Variants in PIEZO2 observed in about 807,000 individuals in gnomAD.
PIEZO2 encodes piezo-type mechanosensitive ion channel component 2.
Under a neutral mutation model 337.3 loss-of-function variants are expected in PIEZO2, and 172 were observed. The ratio of observed to expected loss-of-function variants is 0.51; its 90% CI spans 0.45 to 0.58. The LOEUF (loss-of-function observed/expected upper bound fraction) is 0.58. PIEZO2 is among the 20% of genes least tolerant of loss of function. The pLI, the probability that PIEZO2 is intolerant of heterozygous loss-of-function variation, is 0.00. For synonymous variants in PIEZO2, 1,251 were observed against 1,228.5 expected (o/e 1.02, Z -0.38); for missense variants, 3,028 against 3,391.3 (o/e 0.89, Z 2.66).
Position 10,807,121 on chromosome 18 carries a change from T to C in PIEZO2, c.1071A>G (p.Gln357=), listed in dbSNP as rs1326764957. 1.3e-6 allele frequency: 2 copies of C among 1,535,460 alleles called. No individual in the cohort carries two copies. The highest frequency in any genetic ancestry group is 2.0e-5 in the Admixed American group (1 of 50,430). The change falls in exon 8 of 56, where the codon CAA becomes CAG. Residue 357 remains glutamine, a synonymous_variant. Coordinates refer to ENST00000674853, the MANE Select transcript of PIEZO2 (RefSeq NM_001378183.1). ...ATGTTTTTGTCCTTACAAGGGGCTC[T>C]TGCAGCCAGATGCGGATCAGAGTGG... ...TLATLIRIWL[Q]EPLVQDEGTK...
At chr18:10,763,381 A>G in intron 21 of PIEZO2, 1 of 352,726 alleles carries the variant, frequency 2.8e-6, no homozygotes, top group Non-Finnish European at 5.1e-6. Context: ...CTCCTGTGAG[A>G]GCGCCCAGAA....
In PIEZO2 at chr18:10,949,553, G is replaced by A. The variant is rs1231521605; in HGVS notation, c.286+29982C>T. 2.6e-5 allele frequency among the ~76,000 whole-genome samples: 4 copies of A among 152,270 alleles called. No homozygotes were observed. In the East Asian group the frequency reaches 7.7e-4, roughly 29 times the overall value. On this transcript the variant is annotated intron_variant, in intron 3 of 55. Transcript: ENST00000674853. ...TAAAAGTCAGCCATTCTGGCTCCCG[G>A]GTCCCATGCAGCAGCCCTGCACCAC...
chr18:10,733,681 C>G (rs1338816439), intron 35 of PIEZO2, among the ~76,000 whole-genome samples: 1 of 152,130 alleles, frequency 6.6e-6, no homozygotes, highest in Non-Finnish European at 1.5e-5. Flanking sequence ...ATCTCCTGAC[C>G]TCGTGATCTG....
At position 11,116,221 on chromosome 18, in the gene PIEZO2, A is replaced by C. The variant is rs984287592; in HGVS notation, c.64+32304T>G. On this transcript the variant is annotated intron_variant, in intron 1 of 55. Coordinates refer to ENST00000674853, the MANE Select transcript of PIEZO2 (RefSeq NM_001378183.1). The surrounding 1 kb of genome is among the most constrained non-coding windows in gnomAD (Gnocchi z 5.0). The stretch of plus-strand genomic sequence containing the variant: ...TCAGATTATGCCCACTGCCTTCAAT[A>C]TCCAGCTTTACAAATCCTATCTGGT... 6.6e-6 allele frequency among the ~76,000 whole-genome samples: 1 copy of C among 152,154 alleles called. No homozygotes were observed. Among genetic ancestry groups the C allele is most frequent in the Non-Finnish European group, 1.5e-5 (1 of 68,024 alleles).
intron 1 of PIEZO2, among the ~76,000 whole-genome samples, chr18:11,123,788 C>T (rs934662250): frequency 1.3e-5 from 2 of 148,342 alleles, no homozygotes; most frequent in South Asian, 2.1e-4. Flanking sequence ...GCAACCTGGG[C>T]GAGAGAGGGA....
intron 4 of PIEZO2, among the ~76,000 whole-genome samples, chr18:10,892,508 ACT>A (rs1356263625): frequency 1.3e-5 from 2 of 151,658 alleles, no homozygotes; most frequent in East Asian, 3.9e-4. Flanking sequence ...AGGGCAGGAG[ACT>A]CTTTTTGGGG....
intron 2 of PIEZO2, among the ~76,000 whole-genome samples, chr18:11,030,584 C>T (rs908657702): frequency 6.6e-6 from 1 of 152,124 alleles, no homozygotes; most frequent in African/African-American, 2.4e-5. Flanking sequence ...TTACTCTGTC[C>T]TCATTTCTGA....
intron 7 of PIEZO2, among the ~76,000 whole-genome samples, chr18:10,845,475 A>G (rs1207638250): frequency 3.3e-5 from 5 of 152,204 alleles, no homozygotes; most frequent in Non-Finnish European, 5.9e-5. Flanking sequence ...CCTCACATGT[A>G]GCAGTTTAAT....
At chr18:10,751,570 G>C (rs1291117356) in intron 28 of PIEZO2, among the ~76,000 whole-genome samples, 5 of 146,128 alleles carry the variant, frequency 3.4e-5, no homozygotes, top group African/African-American at 1.3e-4. Context: ...ACATAAACTT[G>C]GCTTTCCAAG....
intron 2 of PIEZO2, among the ~76,000 whole-genome samples, chr18:10,981,547 GCTGA>G (rs1255168914): frequency 2.0e-5 from 3 of 152,184 alleles, no homozygotes; most frequent in Non-Finnish European, 4.4e-5. Context: ...AATACTCATG[GCTGA>G]CTAAGAATAG....
chr18:11,008,885 C>T (rs1313987044), intron 2 of PIEZO2, among the ~76,000 whole-genome samples: 1 of 152,094 alleles, frequency 6.6e-6, no homozygotes, highest in African/African-American at 2.4e-5. Flanking sequence ...TGTGCTATAG[C>T]AGCAATTAAA....
At chr18:10,765,559 G>A (rs2038317757) in intron 21 of PIEZO2, among the ~76,000 whole-genome samples, 1 of 152,192 alleles carries the variant, frequency 6.6e-6, no homozygotes, top group South Asian at 2.1e-4. Context: ...GGGCAAAGCT[G>A]GGAATCTGTA....
chr18:10,964,361 CA>C (rs1323114615), intron 3 of PIEZO2, among the ~76,000 whole-genome samples: 1 of 151,998 alleles, frequency 6.6e-6, no homozygotes, highest in Admixed American at 6.6e-5. Flanking sequence ...TAACAATTAA[CA>C]AAAATCTGTT....
rs1205759025 is a variant in PIEZO2, at chr18:10,787,075, G to A, written c.2279C>T (p.Pro760Leu). 6.5e-7 allele frequency: 1 copy of A among 1,535,352 alleles called. No homozygotes were observed. The highest frequency in any genetic ancestry group is 2.4e-5 in the East Asian group (1 of 40,852). The part of the protein sequence containing the change: ...FIYTYQFENF[P>L]GLWQNMTGLK... ...TCCAGTCATATTTTGCCACAGGCCT[G>A]GGAAGTTCTCAAACTGATATGTGTA... Residue 760 changes from proline (P) to leucine (L), a missense_variant, in exon 16 of 56, where the codon CCA becomes CTA. Around this residue, in one of 5 missense-constraint regions of PIEZO2, gnomAD observed 1,925 missense variants for 2,051.9 expected, o/e 0.94. Coordinates refer to ENST00000674853, the MANE Select transcript of PIEZO2 (RefSeq NM_001378183.1).
At chr18:10,994,076 G>C (rs901833948) in intron 2 of PIEZO2, among the ~76,000 whole-genome samples, 4 of 152,104 alleles carry the variant, frequency 2.6e-5, no homozygotes, top group African/African-American at 9.7e-5. Context: ...TTACAGTTTA[G>C]CTTCCACTTA....
chr18:11,097,863 T>C lies in PIEZO2; in HGVS notation c.65-31641A>G, dbSNP rs1355773737. The stretch of plus-strand genomic sequence containing the variant: ...CTATGTTTTGTCTTTATTCAAAGAA[T>C]TTAAAATGCTACATGGTGGCAACAA... On this transcript the variant is annotated intron_variant, in intron 1 of 55. Transcript: ENST00000674853. This position sits in a 1 kb window ranked among gnomAD's most constrained non-coding sequence, Gnocchi z 5.0. Among the ~76,000 whole-genome samples the C allele has an allele frequency of 6.6e-6, 1 of 152,234 alleles. No homozygotes were observed. The highest frequency in any genetic ancestry group is 2.4e-5 in the African/African-American group (1 of 41,464).
Position 10,789,320 on chromosome 18 carries a change from T to C in PIEZO2, c.1928A>G (p.Glu643Gly), listed in dbSNP as rs1264838658. ...CTCTTCCTTCGCTTCCTCTTCTTCC[T>C]CCTCTTTGGGCTCTCCTTCCACTTG... Reference protein sequence around the residue: ...DIQVEGEPKEEEEEEAKEEKQ... With the variant: ...DIQVEGEPKEGEEEEAKEEKQ... The change falls in exon 15 of 56, where the codon GAG becomes GGG. Residue 643 changes from glutamate (E) to glycine (G), a missense_variant. Glu to Gly is a moderately conservative substitution (Grantham distance 98, BLOSUM62 -2). Coordinates refer to ENST00000674853, the MANE Select transcript of PIEZO2 (RefSeq NM_001378183.1). 2.0e-6 allele frequency: 3 copies of C among 1,537,302 alleles called. No individual in the cohort carries two copies. Among genetic ancestry groups the C allele is most frequent in the Non-Finnish European group, 2.6e-6 (3 of 1,146,888 alleles).
chr18:10,946,477 C>T (rs1349168079), intron 3 of PIEZO2, among the ~76,000 whole-genome samples: 1 of 152,226 alleles, frequency 6.6e-6, no homozygotes, highest in African/African-American at 2.4e-5. Context: ...CACTTCTCCT[C>T]TCCCTGGTGT....
intron 48 of PIEZO2, among the ~76,000 whole-genome samples, chr18:10,690,517 G>C (rs1567951634): frequency 6.6e-6 from 1 of 152,112 alleles, no homozygotes; most frequent in African/African-American, 2.4e-5. Flanking sequence ...CCAATCCCTG[G>C]AAGCAACATC....
Sources: allele counts gnomAD v4.1 joint callset (sites outside exome capture counted in the v4.1 genomes callset), GRCh38; gene constraint gnomAD v4.1.1; regional missense constraint gnomAD v4.1.1; non-coding constraint Gnocchi (gnomAD v3.1); transcripts MANE v1.5; gene names NCBI Gene and HGNC (gene_info 2026-07-23, HGNC 2026-07-21).